The following RAPGEF4 variants were observed in gnomAD, a reference collection of about 807,000 sequenced individuals.
RAPGEF4 encodes Rap guanine nucleotide exchange factor 4.
A neutral mutation model predicts 147.9 loss-of-function variants in RAPGEF4; 66 were observed. The ratio of observed to expected loss-of-function variants is 0.45; its 90% confidence interval spans 0.37 to 0.55. The LOEUF (loss-of-function observed/expected upper bound fraction) is 0.55. Ranked by LOEUF, RAPGEF4 falls within the 20% of genes least tolerant of loss-of-function variation. The probability of loss-of-function intolerance (pLI) is 0.00; values close to 1 mark genes in which losing one functional copy is unlikely to be tolerated. For synonymous variants in RAPGEF4, 419 were observed against 442.7 expected (o/e 0.95, Z 0.67); for missense variants, 1,071 against 1,257.3 (o/e 0.85, Z 2.24).
At position 172,889,779 on chromosome 2, in the gene RAPGEF4, G is replaced by A. The variant is rs1697692332; in HGVS notation, c.445-28023G>A. On this transcript the variant is annotated intron_variant, in intron 4 of 30. Coordinates refer to ENST00000397081, the MANE Select transcript of RAPGEF4 (RefSeq NM_007023.4). ...AAGGAAAATTTTAAAAATATAGATA[G>A]ATATTTTGTAAGATTCTAGTCAATG... 4.2e-6 allele frequency: 4 copies of A among 952,018 alleles called. No homozygotes were observed. In the African/African-American group the frequency reaches 5.3e-5, roughly 13 times the overall value. 59.0% of individuals were successfully genotyped at this position (952,018 alleles called of 1,614,324 possible). A position where few individuals can be genotyped will look rare whatever the true frequency, so the allele number is the denominator to read the frequency against.
rs1177785705 is a variant in RAPGEF4 at position 172,990,848 on chromosome 2, C to G, written c.1413C>G (p.Asp471Glu). The G allele has an allele frequency of 1.5e-5, 24 of 1,613,854 alleles. No individual in the cohort carries two copies. The highest frequency in any genetic ancestry group is 2.0e-5 in the Non-Finnish European group (24 of 1,179,934). ...EANTVRLKEH[D>E]QDVLVLEKVP... ...ATACAGTCAGACTTAAAGAACATGA[C>G]CAAGATGTCTTGGTGCTGGAGAAGG... Residue 471 changes from aspartate to glutamate, a missense_variant, in exon 15 of 31, where the codon GAC becomes GAG. By Grantham distance (45) the Asp-to-Glu change is conservative. Coordinates refer to ENST00000397081, the MANE Select transcript of RAPGEF4 (RefSeq NM_007023.4).
intron 6 of RAPGEF4, among the ~76,000 whole-genome samples, chr2:172,935,131 G>T (rs1300514794): frequency 6.6e-6 from 1 of 152,076 alleles, no homozygotes; most frequent in Non-Finnish European, 1.5e-5. Flanking sequence ...GAGCCAAGAT[G>T]GTACCATAAC....
intron 23 of RAPGEF4, 74 bp downstream of exon 23, chr2:173,020,789 ACTGAAC>A: frequency 8.3e-7 from 1 of 1,204,022 alleles, no homozygotes; most frequent in South Asian, 1.3e-5. Flanking sequence ...TTGCAGTCAC[ACTGAAC>A]CCAGTGGCTA....
chr2:173,012,576 A>G (rs764936003), intron 17 of RAPGEF4, among the ~76,000 whole-genome samples: 9 of 152,250 alleles, frequency 5.9e-5, no homozygotes, highest in Non-Finnish European at 1.0e-4. Context: ...TGTGGCACCT[A>G]TCTGATTCTC....
At chr2:172,758,070 G>A (rs1202311608) in intron 1 of RAPGEF4, among the ~76,000 whole-genome samples, 1 of 152,164 alleles carries the variant, frequency 6.6e-6, no homozygotes, top group Admixed American at 6.5e-5. Context: ...AGTGCCAGTG[G>A]GTGAAGACTG....
At chr2:172,974,744 A>G (rs903257665) in intron 10 of RAPGEF4, among the ~76,000 whole-genome samples, 2 of 152,230 alleles carry the variant, frequency 1.3e-5, no homozygotes, top group African/African-American at 4.8e-5. Flanking sequence ...CATATAGACC[A>G]GAATGGAGTT....
chr2:173,001,350 C>T lies in RAPGEF4; in HGVS notation c.1658+6C>T. On this transcript the variant is annotated splice_donor_region_variant and intron_variant, in intron 17 of 30. Coordinates refer to ENST00000397081, the MANE Select transcript of RAPGEF4 (RefSeq NM_007023.4). Reference sequence around the variant, plus strand: ...TGCCCGGCACTGGTGGCCCAATATCCTTTTATTGTGATTGTAAGTCCCTAT... The same window carrying T: ...TGCCCGGCACTGGTGGCCCAATATCTTTTTATTGTGATTGTAAGTCCCTAT... 6 of 1,613,854 alleles carry T rather than the reference C, an allele frequency of 3.7e-6. No individual in the cohort carries two copies. The highest frequency in any genetic ancestry group is 5.1e-6 in the Non-Finnish European group (6 of 1,179,894).
chr2:172,979,344 A>G (rs987495735), intron 10 of RAPGEF4, among the ~76,000 whole-genome samples: 3 of 152,334 alleles, frequency 2.0e-5, no homozygotes, highest in Admixed American at 1.3e-4. Flanking sequence ...AGCATGAATC[A>G]TGAGAACTCG....
In RAPGEF4 at chr2:173,030,247, C is replaced by T. The variant is rs370128565; in HGVS notation, c.2642C>T (p.Thr881Met). The change falls in exon 26 of 31, where the codon ACG becomes ATG. Residue 881 changes from threonine to methionine, a missense_variant. By Grantham distance (81) the Thr-to-Met change is moderately conservative (BLOSUM62 -1). Coordinates refer to ENST00000397081, the MANE Select transcript of RAPGEF4 (RefSeq NM_007023.4). ...GTTGCTGTGAGCCGCTTGGCACTAA[C>T]GTGGGAGGTAAGCTTCAGCTAGGAT... Reference protein sequence around the residue: ...SNVAVSRLALTWEKLPSKFKK... With the variant: ...SNVAVSRLALMWEKLPSKFKK... The T allele has an allele frequency of 8.1e-6, 13 of 1,611,146 alleles. No individual in the cohort carries two copies. The highest frequency in any genetic ancestry group is 2.7e-5 in the African/African-American group (2 of 74,988).
chr2:172,826,964 C>CAA (rs59106041), intron 4 of RAPGEF4, among the ~76,000 whole-genome samples: 1 of 138,906 alleles, frequency 7.2e-6, no homozygotes, highest in African/African-American at 2.6e-5. Flanking sequence ...GACCCTTTCT[C>CAA]AAAAAAAAAA....
intron 1 of RAPGEF4, among the ~76,000 whole-genome samples, chr2:172,763,050 C>T (rs976674693): frequency 2.0e-5 from 3 of 152,156 alleles, no homozygotes; most frequent in African/African-American, 7.2e-5. Flanking sequence ...AGATGAGAGC[C>T]TGGTATGATT....
At chr2:172,960,360 T>A (rs1689159010) in intron 6 of RAPGEF4, among the ~76,000 whole-genome samples, 1 of 152,210 alleles carries the variant, frequency 6.6e-6, no homozygotes, top group African/African-American at 2.4e-5. Context: ...CTCATTTCCA[T>A]CCCATATCAA....
At chr2:172,931,230 C>T (rs1269085675) in intron 6 of RAPGEF4, among the ~76,000 whole-genome samples, 1 of 127,404 alleles carries the variant, frequency 7.8e-6, no homozygotes, top group Non-Finnish European at 1.6e-5. Flanking sequence ...GATTCCAAAA[C>T]TCGACAACGA....
intron 1 of RAPGEF4, chr2:172,744,542 G>A (rs1694604664): frequency 2.8e-6 from 1 of 355,826 alleles, no homozygotes; most frequent in Non-Finnish European, 5.7e-6. Context: ...TTTATTGATG[G>A]TGTAATTTTG....
intron 1 of RAPGEF4, among the ~76,000 whole-genome samples, chr2:172,740,207 G>A (rs188802013): frequency 1.5e-3 from 221 of 152,316 alleles, no homozygotes; most frequent in African/African-American, 4.8e-3. Context: ...ACCTATCTAA[G>A]TGATTGACAG....
chr2:173,024,507 G>A (rs531490513), intron 23 of RAPGEF4, among the ~76,000 whole-genome samples: 3 of 152,240 alleles, frequency 2.0e-5, no homozygotes, highest in East Asian at 1.9e-4. Flanking sequence ...GTGAGCCACC[G>A]CGCCCGGCCT....
At chr2:172,827,382 A>G (rs1447726551) in intron 4 of RAPGEF4, among the ~76,000 whole-genome samples, 1 of 152,056 alleles carries the variant, frequency 6.6e-6, no homozygotes, top group Non-Finnish European at 1.5e-5. Flanking sequence ...TAGGTCTGAA[A>G]CATCTGACTT....
chr2:172,940,339 T>C (rs1687024426), intron 6 of RAPGEF4, among the ~76,000 whole-genome samples: 1 of 152,148 alleles, frequency 6.6e-6, no homozygotes, highest in South Asian at 2.1e-4. Context: ...AAATCTCATG[T>C]TGAATTGTAA....
intron 6 of RAPGEF4, among the ~76,000 whole-genome samples, chr2:172,958,681 A>C (rs1381069151): frequency 6.6e-6 from 1 of 152,214 alleles, no homozygotes; most frequent in Non-Finnish European, 1.5e-5. Context: ...AAAATACTAT[A>C]ATATTGCTTG....
Sources: allele counts gnomAD v4.1 joint callset (sites outside exome capture counted in the v4.1 genomes callset), GRCh38; gene constraint gnomAD v4.1.1; transcripts MANE v1.5; gene names NCBI Gene and HGNC (gene_info 2026-07-23, HGNC 2026-07-21).